PCDH15: variants seen among roughly 807,000 people sequenced by gnomAD.
PCDH15 encodes the protein protocadherin related 15.
A neutral mutation model predicts 178.5 loss-of-function variants in PCDH15; 129 were observed. That is an observed-to-expected ratio of 0.72 (90% CI 0.63 to 0.84). The LOEUF (loss-of-function observed/expected upper bound fraction) is 0.84, where lower values mean the gene tolerates loss of function less well. Ranked by LOEUF, PCDH15 falls within the 40% of genes least tolerant of loss-of-function variation. The pLI is 0.00. For synonymous variants in PCDH15, 800 were observed against 732.0 expected (o/e 1.09, Z -1.50); for missense variants, 2,230 against 2,099.9 (o/e 1.06, Z -1.21).
At chr10:54,737,787 G>T (rs1391385676) in intron 1 of PCDH15, among the ~76,000 whole-genome samples, 2 of 151,980 alleles carry the variant, frequency 1.3e-5, no homozygotes, top group Non-Finnish European at 2.9e-5. Flanking sequence ...TGTGAGTTAG[G>T]CACCTCTCCA....
chr10:54,600,596 G>T, intron 2 of PCDH15: 1 of 586,318 alleles, frequency 1.7e-6, no homozygotes, highest in South Asian at 1.4e-5. Flanking sequence ...AGCATGAAGA[G>T]ACCTTTGAGG....
chr10:54,596,522 C>T (rs966418824), intron 2 of PCDH15, among the ~76,000 whole-genome samples: 1 of 152,194 alleles, frequency 6.6e-6, no homozygotes, highest in South Asian at 2.1e-4. Flanking sequence ...GGACACAGAC[C>T]AGTAACACTA....
chr10:54,419,250 A>ACACACACACACACG (rs149146732), intron 3 of PCDH15, among the ~76,000 whole-genome samples: 1 of 151,780 alleles, frequency 6.6e-6, no homozygotes, highest in Non-Finnish European at 1.5e-5. Flanking sequence ...ACATACACAC[A>ACACACACACACACG]CACACACACA....
intron 2 of PCDH15, among the ~76,000 whole-genome samples, chr10:55,532,304 C>T (rs1324236863): frequency 6.6e-6 from 1 of 151,956 alleles, no homozygotes; most frequent in Non-Finnish European, 1.5e-5. Flanking sequence ...CAGATTTAAA[C>T]CTTTTTCCTC....
chr10:54,435,325 A>T lies in PCDH15; in HGVS notation c.158-56383T>A, dbSNP rs183638329. Among the ~76,000 whole-genome samples, 249 of 152,198 alleles carry T rather than the reference A, an allele frequency of 1.6e-3. 1 individual carries two copies. The highest frequency in any genetic ancestry group is 5.4e-3 in the African/African-American group (225 of 41,534). ...TTTTCTTTTTCTTTTACCTAGGTTG[A>T]ATTCATTGTTTAGATCTCAACTGAA... On this transcript the variant is annotated intron_variant, in intron 3 of 37. Transcript: ENST00000644397.
intron 15 of PCDH15, among the ~76,000 whole-genome samples, chr10:54,106,776 T>C (rs1876325): frequency 0.58 from 87,727 of 152,012 alleles, 26,110 homozygotes; most frequent in Middle Eastern, 0.67. Context: ...TATGATGCTG[T>C]TTGGTGTTTA....
At chr10:55,430,057 A>C (rs1838846701) in intron 2 of PCDH15, among the ~76,000 whole-genome samples, 1 of 152,208 alleles carries the variant, frequency 6.6e-6, no homozygotes, top group South Asian at 2.1e-4. Flanking sequence ...TATGTAATAT[A>C]GGTTAGTACA....
intron 2 of PCDH15, among the ~76,000 whole-genome samples, chr10:55,564,857 T>A (rs1466963294): frequency 6.6e-6 from 1 of 151,560 alleles, no homozygotes; most frequent in Non-Finnish European, 1.5e-5. Context: ...TAGAAGGAAA[T>A]TTTGATATAA....
intron 20 of PCDH15, among the ~76,000 whole-genome samples, chr10:54,019,330 TTGTATA>T (rs2092838906): frequency 1.3e-5 from 2 of 152,244 alleles, no homozygotes; most frequent in African/African-American, 4.8e-5. Context: ...TTGAGGATTT[TTGTATA>T]TGTATCTTTG....
At chr10:54,265,325 A>G (rs1350404630) in intron 8 of PCDH15, among the ~76,000 whole-genome samples, 2 of 151,944 alleles carry the variant, frequency 1.3e-5, no homozygotes, top group Non-Finnish European at 2.9e-5. Flanking sequence ...TAGTCCACAG[A>G]CTCTATACCA....
chr10:54,942,105 T>A (rs1451633165), intron 2 of PCDH15, among the ~76,000 whole-genome samples: 2 of 152,044 alleles, frequency 1.3e-5, no homozygotes, highest in African/African-American at 4.8e-5. Flanking sequence ...AAGGCCAACG[T>A]TTATGGCTTA....
At chr10:55,124,796 T>C (rs1482742596) in intron 2 of PCDH15, among the ~76,000 whole-genome samples, 4 of 152,114 alleles carry the variant, frequency 2.6e-5, no homozygotes, top group Admixed American at 6.6e-5. Flanking sequence ...TCAAATTTTA[T>C]GTACCCTTGG....
intron 1 of PCDH15, among the ~76,000 whole-genome samples, chr10:54,720,185 C>A (rs1255029127): frequency 6.6e-6 from 1 of 151,952 alleles, no homozygotes; most frequent in Non-Finnish European, 1.5e-5. Context: ...CAAGTAATCC[C>A]ATTACTGGGT....
chr10:54,847,266 CAT>C (rs920291100), intron 3 of PCDH15, among the ~76,000 whole-genome samples: 3 of 152,100 alleles, frequency 2.0e-5, no homozygotes, highest in Admixed American at 6.6e-5. Flanking sequence ...CCAAACTTCA[CAT>C]GTTTTAAATG....
At chr10:54,134,397 A>G (rs1031864866) in intron 14 of PCDH15, among the ~76,000 whole-genome samples, 1 of 152,056 alleles carries the variant, frequency 6.6e-6, no homozygotes, top group Non-Finnish European at 1.5e-5. Context: ...ATTAAAAGAC[A>G]TGGTCACCAA....
intron 3 of PCDH15, among the ~76,000 whole-genome samples, chr10:54,841,800 A>T (rs912513803): frequency 6.6e-6 from 1 of 151,846 alleles, no homozygotes; most frequent in African/African-American, 2.4e-5. Context: ...TATATAATGC[A>T]TATTATTACA....
chr10:55,514,894 G>A (rs1840973173), intron 2 of PCDH15, among the ~76,000 whole-genome samples: 1 of 151,766 alleles, frequency 6.6e-6, no homozygotes, highest in Admixed American at 6.6e-5. Flanking sequence ...TAGCTTAGGT[G>A]GACAATAGGA....
intron 2 of PCDH15, among the ~76,000 whole-genome samples, chr10:55,391,745 C>G (rs960639023): frequency 2.6e-5 from 4 of 152,142 alleles, no homozygotes; most frequent in African/African-American, 9.7e-5. Flanking sequence ...CTCAGCCTCC[C>G]AAAGTGCTGG....
intron 18 of PCDH15, among the ~76,000 whole-genome samples, chr10:54,046,201 G>T (rs867097790): frequency 2.6e-5 from 4 of 152,098 alleles, no homozygotes; most frequent in African/African-American, 9.7e-5. Flanking sequence ...ACACAGACAG[G>T]AACCATGACC....
Sources: allele counts gnomAD v4.1 joint callset (sites outside exome capture counted in the v4.1 genomes callset), GRCh38; gene constraint gnomAD v4.1.1; transcripts MANE v1.5; gene names NCBI Gene and HGNC (gene_info 2026-07-23, HGNC 2026-07-21).